Variants in FAM161B observed in about 807,000 individuals in gnomAD.
FAM161B encodes FAM161 centrosomal protein B.
FAM161B carries 46 observed loss-of-function variants against 61.5 expected under a neutral mutation model. That is an observed-to-expected ratio of 0.75 (90% CI 0.59 to 0.96). The LOEUF is 0.96. FAM161B is among the 40% of genes least tolerant of loss of function. FAM161B has a pLI of 0.00. For synonymous variants in FAM161B, 284 were observed against 302.7 expected (o/e 0.94, Z 0.64); for missense variants, 774 against 800.7 (o/e 0.97, Z 0.40).
chr14:73,944,410 TG>T lies in FAM161B; in HGVS notation c.849del (p.Lys284ArgfsTer37). The T allele has an allele frequency of 6.2e-7, 1 of 1,611,288 alleles. No individual in the cohort carries two copies. Among genetic ancestry groups the T allele is most frequent in the Non-Finnish European group, 8.5e-7 (1 of 1,177,690 alleles). On this transcript the variant is annotated frameshift_variant, in exon 3 of 9. Transcript: ENST00000286544. LOFTEE classifies it high-confidence loss of function. Reference sequence around the variant, plus strand: ...CTGGTGGCCTTCTGCTTGGAGATCTTGGCTTCAGCTGTGGCTGCCAAGTCTC... The same window carrying T: ...CTGGTGGCCTTCTGCTTGGAGATCTTGCTTCAGCTGTGGCTGCCAAGTCTC... ...RQRDLAATAEAKISKQKATRR... is the reference protein window; with the variant it reads ...RQRDLAATAEXKISKQKATRR...
chr14:73,927,207 T>C, downstream of FAM161B: 1 of 245,252 alleles, frequency 4.1e-6, no homozygotes, highest in Admixed American at 4.6e-5. Context: ...TGCCTCAGCC[T>C]CCTGAGTAGC....
Position 73,944,337 on chromosome 14 carries a change from T to G in FAM161B, c.923A>C (p.Gln308Pro), listed in dbSNP as rs2056044720. 1 of 1,579,120 alleles carries G rather than the reference T, an allele frequency of 6.3e-7. No homozygotes were observed. Among genetic ancestry groups the G allele is most frequent in the Admixed American group, 1.8e-5 (1 of 56,764 alleles). ...ILEPALGDKL[Q>P]EAELFRKIRI... ...CAAGGTGGCAAGGATGTCTTTACCC[T>G]GGAGTTTATCCCCAAGGGCTGGCTC... Residue 308 changes from glutamine (Q) to proline (P), a missense_variant and splice_region_variant, in exon 3 of 9, where the codon CAG becomes CCG. Physicochemically the swap from Gln to Pro is moderately conservative, Grantham distance 76. Transcript: ENST00000286544.
downstream of FAM161B, among the ~76,000 whole-genome samples, chr14:73,927,484 CATT>C (rs2055850765): frequency 6.6e-6 from 1 of 152,168 alleles, no homozygotes; most frequent in African/African-American, 2.4e-5. Context: ...ACCTAGTACA[CATT>C]ATTATTCGAG....
chr14:73,936,920 C>G lies in FAM161B; in HGVS notation c.1665+682G>C, dbSNP rs184998381. On this transcript the variant is annotated intron_variant, in intron 7 of 8. Transcript: ENST00000286544. The stretch of plus-strand genomic sequence containing the variant: ...AGAGCCTAATGCAGTAGAAACAGAG[C>G]ATCCTTACATCCTTACGGAGATCTC... 2.0e-5 allele frequency among the ~76,000 whole-genome samples: 3 copies of G among 152,294 alleles called. No homozygotes were observed. In the East Asian group the frequency reaches 5.8e-4, roughly 29 times the overall value.
At position 73,939,460 on chromosome 14, in the gene FAM161B, A is replaced by G. The variant is rs72627140; in HGVS notation, c.1401-1348T>C. 1.0e-2 allele frequency among the ~76,000 whole-genome samples: 1,522 copies of G among 152,306 alleles called. 182 individuals carry two copies. The East Asian group carries it at 0.27, about 27-fold the overall frequency. Reference sequence around the variant, plus strand: ...GTCCTCATAACTGCCTTATGAGGTAAATACTAAATTCCCTTTTTATAGGGG... The same window carrying G: ...GTCCTCATAACTGCCTTATGAGGTAGATACTAAATTCCCTTTTTATAGGGG... On this transcript the variant is annotated intron_variant, in intron 5 of 8. Coordinates refer to ENST00000286544, the MANE Select transcript of FAM161B (RefSeq NM_152445.3).
rs778992673 is a variant in FAM161B at position 73,942,381 on chromosome 14, G to A, written c.1260C>T (p.Thr420=). The change falls in exon 4 of 9, where the codon ACC becomes ACT. Residue 420 remains threonine, a synonymous_variant. Coordinates refer to ENST00000286544, the MANE Select transcript of FAM161B (RefSeq NM_152445.3). ...HPQRPCDAAT[T]GRRQDSPQPP... The stretch of plus-strand genomic sequence containing the variant: ...CCTGGGCTCTCACCTGCCTCCTTCC[G>A]GTGGTGGCAGCATCACAGGGCCGCT... The A allele has an allele frequency of 2.2e-5, 35 of 1,613,700 alleles. No individual in the cohort carries two copies. The highest frequency in any genetic ancestry group is 1.7e-4 in the Middle Eastern group (1 of 6,016).
intron 7 of FAM161B, 40 bp downstream of exon 7, chr14:73,937,562 A>G: frequency 6.3e-7 from 1 of 1,576,530 alleles, no homozygotes; most frequent in Non-Finnish European, 8.6e-7. Flanking sequence ...GAGTCCTTTT[A>G]TCTAAGGCAG....
At position 73,932,538 on chromosome 14, in the gene FAM161B, A is replaced by T. The variant is rs2055932426; in HGVS notation, c.*1718T>A. 1.1e-5 allele frequency: 5 copies of T among 443,008 alleles called. No individual in the cohort carries two copies. The highest frequency in any genetic ancestry group is 7.0e-5 in the East Asian group (1 of 14,376). The allele number at this position is 443,008 out of a possible 1,614,324, so 27.4% of individuals were successfully genotyped here. A position where few individuals can be genotyped will look rare whatever the true frequency, so the allele number is the denominator to read the frequency against. ...ATTTTTCCACAAAGATAGTTTTTTT[A>T]AAAAAGCTTGAGAAAGGTGCTTTAG... On this transcript the variant is annotated 3_prime_UTR_variant, in exon 9 of 9. Coordinates refer to ENST00000286544, the MANE Select transcript of FAM161B (RefSeq NM_152445.3).
intron 5 of FAM161B, among the ~76,000 whole-genome samples, chr14:73,939,235 GT>G (rs1415744903): frequency 1.3e-5 from 2 of 151,990 alleles, no homozygotes; most frequent in Admixed American, 6.6e-5. Flanking sequence ...GGAGGCAGAG[GT>G]TGCAGTGAGC....
intron 7 of FAM161B, 22 bp from the exon 8 acceptor site, chr14:73,936,110 G>C: frequency 3.2e-6 from 5 of 1,580,844 alleles, no homozygotes; most frequent in Non-Finnish European, 4.3e-6. Context: ...AAATTAATCT[G>C]TTGTAGCTGT....
At chr14:73,946,172 A>C (rs2056064152) in intron 2 of FAM161B, 114 bp downstream of exon 2, 1 of 1,118,424 alleles carries the variant, frequency 8.9e-7, no homozygotes, top group Non-Finnish European at 1.3e-6. Flanking sequence ...AGCCTCAGTA[A>C]ATGGCAACTT....
intron 4 of FAM161B, 47 bp from the exon 5 acceptor site, chr14:73,941,100 G>A: frequency 1.1e-6 from 1 of 943,920 alleles, no homozygotes; most frequent in South Asian, 1.4e-5. Flanking sequence ...TGTGTGATTA[G>A]TTTCTATCTT....
chr14:73,946,240 G>A (rs201676217), intron 2 of FAM161B, 46 bp downstream of exon 2: 1 of 1,570,630 alleles, frequency 6.4e-7, no homozygotes, highest in Non-Finnish European at 8.7e-7. Context: ...GATGTGACCT[G>A]TGTGGAGGTG....
Position 73,941,027 on chromosome 14 carries a change from G to C in FAM161B, c.1299C>G (p.Pro433=), listed in dbSNP as rs759037058. The change falls in exon 5 of 9, where the codon CCC becomes CCG. Residue 433 remains proline (P), a synonymous_variant. Coordinates refer to ENST00000286544, the MANE Select transcript of FAM161B (RefSeq NM_152445.3). ...CGCTCAGAGAACGACTCCTTGGCAG[G>C]GGTGTAGCTGGTGGCTGTGGGGAAT... is the stretch of plus-strand genomic sequence containing the variant. ...RQDSPQPPAT[P]LPRSRSLSGL... 3.7e-6 allele frequency: 6 copies of C among 1,613,712 alleles called. No homozygotes were observed. The South Asian group carries it at 6.6e-5, about 18-fold the overall frequency.
At position 73,942,682 on chromosome 14, in the gene FAM161B, A is replaced by T. The variant is rs1286732360; in HGVS notation, c.959T>A (p.Met320Lys). The part of the protein sequence containing the change: ...AELFRKIRIQ[M>K]RALDMLQMAS... ...CATCTGGAGCATGTCCAGGGCTCTC[A>T]TTTGGATGCGAATTTTCCTGAAGAG... The change falls in exon 4 of 9, where the codon ATG becomes AAG. Residue 320 changes from methionine to lysine, a missense_variant. Met to Lys is a moderately conservative substitution (Grantham distance 95). Transcript: ENST00000286544. 1 of 1,613,822 alleles carries T rather than the reference A, an allele frequency of 6.2e-7. No individual in the cohort carries two copies. Among genetic ancestry groups the T allele is most frequent in the Non-Finnish European group, 8.5e-7 (1 of 1,179,780 alleles).
intron 8 of FAM161B, 86 bp from the exon 9 acceptor site, chr14:73,934,480 C>T: frequency 1.5e-6 from 2 of 1,334,826 alleles, no homozygotes; most frequent in Non-Finnish European, 2.0e-6. Context: ...AGTGCAGTGG[C>T]ATGATCTCAG....
intron 1 of FAM161B, among the ~76,000 whole-genome samples, chr14:73,947,749 A>G (rs1451174409): frequency 6.6e-6 from 1 of 152,234 alleles, no homozygotes; most frequent in Non-Finnish European, 1.5e-5. Flanking sequence ...TAATCAGTAC[A>G]TCAGTTAGGC....
chr14:73,948,849 C>T (rs1344087116), intron 1 of FAM161B, among the ~76,000 whole-genome samples: 3 of 152,172 alleles, frequency 2.0e-5, no homozygotes, highest in African/African-American at 4.8e-5. Context: ...CACTGGCTCA[C>T]GCCTGTAATC....
At chr14:73,927,247 G>A (rs773925328), downstream of FAM161B, 7 of 220,568 alleles carry the variant, frequency 3.2e-5, no homozygotes, top group Middle Eastern at 1.8e-3. Flanking sequence ...CACCACGCCC[G>A]GCTGTATTTT....
Sources: allele counts gnomAD v4.1 joint callset (sites outside exome capture counted in the v4.1 genomes callset), GRCh38; gene constraint gnomAD v4.1.1; transcripts MANE v1.5; gene names NCBI Gene and HGNC (gene_info 2026-07-23, HGNC 2026-07-21).